The following CEP97 variants were observed in gnomAD, a reference collection of about 807,000 sequenced individuals.
CEP97 encodes centrosomal protein of 97 kDa.
Under a neutral mutation model 73.1 loss-of-function variants are expected in CEP97, and 43 were observed. That is an observed-to-expected ratio of 0.59 (90% CI 0.46 to 0.76). CEP97 has a LOEUF of 0.76. CEP97 is among the 30% of genes least tolerant of loss of function. CEP97 has a pLI of 0.00. For synonymous variants in CEP97, 337 were observed against 370.0 expected (o/e 0.91, Z 1.02); for missense variants, 939 against 1,014.0 (o/e 0.93, Z 1.00).
rs575199558 is a variant in CEP97 at position 101,768,410 on chromosome 3, G to A, written c.*2859G>A. 2.6e-4 allele frequency: 40 copies of A among 152,298 alleles called. 1 individual carries two copies. The East Asian group carries it at 7.1e-3, about 27-fold the overall frequency. The allele number at this position is 152,298 out of a possible 1,614,324, so 9.4% of individuals were successfully genotyped here. ...AAAGAGGAAAAAAACTTCTAAGAGA[G>A]CTACAACTCTATCACTCATGACAGA... is the stretch of plus-strand genomic sequence containing the variant. On this transcript the variant is annotated 3_prime_UTR_variant, in exon 11 of 11. Transcript: ENST00000341893.
intron 4 of CEP97, among the ~76,000 whole-genome samples, chr3:101,730,075 G>T (rs1033916450): frequency 6.6e-6 from 1 of 151,998 alleles, no homozygotes; most frequent in Non-Finnish European, 1.5e-5. Flanking sequence ...CAAAGTGTTG[G>T]GATTACAAGC....
intron 10 of CEP97, among the ~76,000 whole-genome samples, chr3:101,762,764 T>C (rs1939206497): frequency 6.6e-6 from 1 of 152,192 alleles, no homozygotes; most frequent in Non-Finnish European, 1.5e-5. Flanking sequence ...TCTGACAATT[T>C]TGACAAGAAA....
chr3:101,739,439 C>T (rs760286226), intron 6 of CEP97, among the ~76,000 whole-genome samples: 13 of 152,080 alleles, frequency 8.5e-5, no homozygotes, highest in Non-Finnish European at 2.9e-5. Context: ...ACTGGCTAAC[C>T]GAATCCAGCA....
chr3:101,757,814 C>G lies in CEP97; in HGVS notation c.1208C>G (p.Ser403Cys). The change falls in exon 9 of 11, where the codon TCT (serine) becomes TGT (cysteine). Residue 403 changes from serine to cysteine, a missense_variant. Coordinates refer to ENST00000341893, the MANE Select transcript of CEP97 (RefSeq NM_024548.4). ...AACTGTAGTCTTCTCTCTTCAGAGTCTACTTTTATGCCAGTTGCATCAGGA... is the reference window on the plus strand; with the variant it reads ...AACTGTAGTCTTCTCTCTTCAGAGTGTACTTTTATGCCAGTTGCATCAGGA... ...KLNCSLLSSESTFMPVASGLS... is the reference protein window; with the variant it reads ...KLNCSLLSSECTFMPVASGLS... The G allele has an allele frequency of 6.2e-7, 1 of 1,614,258 alleles. No homozygotes were observed. Among genetic ancestry groups the G allele is most frequent in the Non-Finnish European group, 8.5e-7 (1 of 1,180,050 alleles).
intron 10 of CEP97, chr3:101,763,073 T>C (rs1009807590): frequency 9.0e-6 from 11 of 1,218,414 alleles, no homozygotes; most frequent in Middle Eastern, 6.9e-4. Context: ...TTCTTGAAAA[T>C]ATTTTAATAA....
rs560387421 is a variant in CEP97, at chr3:101,763,169, C to T, written c.1893+609C>T. 14 of 1,267,060 alleles carry T rather than the reference C, an allele frequency of 1.1e-5. No homozygotes were observed. The African/African-American group carries it at 1.8e-4, about 17-fold the overall frequency. 78.5% of individuals were successfully genotyped at this position (1,267,060 alleles called of 1,614,324 possible). Reference sequence around the variant, plus strand: ...AAACTTCTGGGCTCAAGCAGTCTTCCCTCCTCAGCCTCCCAAAGTGAGCCA... The same window carrying T: ...AAACTTCTGGGCTCAAGCAGTCTTCTCTCCTCAGCCTCCCAAAGTGAGCCA... On this transcript the variant is annotated intron_variant, in intron 10 of 10. Coordinates refer to ENST00000341893, the MANE Select transcript of CEP97 (RefSeq NM_024548.4).
intron 9 of CEP97, among the ~76,000 whole-genome samples, chr3:101,761,394 G>A (rs551041101): frequency 1.1e-4 from 16 of 152,304 alleles, no homozygotes; most frequent in Middle Eastern, 3.4e-3. Context: ...GTGGATTATT[G>A]TTAGAGCATC....
At chr3:101,736,389 C>T (rs760700829) in intron 6 of CEP97, among the ~76,000 whole-genome samples, 9 of 152,162 alleles carry the variant, frequency 5.9e-5, no homozygotes, top group Admixed American at 2.0e-4. Context: ...CCCTGATCCC[C>T]GTGTCTCCTG....
At position 101,749,987 on chromosome 3, in the gene CEP97, C is replaced by G. The variant is rs555107564; in HGVS notation, c.729-5443C>G. Among the ~76,000 whole-genome samples the G allele has an allele frequency of 3.3e-3, 499 of 151,392 alleles. 4 individuals carry two copies. Among genetic ancestry groups the G allele is most frequent in the African/African-American group, 9.0e-3 (369 of 41,168 alleles). ...GGTAGTTTCTTTTGCTGTGCAGAAG[C>G]TCTTTAGTTTAATGAGATCCCATTT... On this transcript the variant is annotated intron_variant, in intron 6 of 10. Coordinates refer to ENST00000341893, the MANE Select transcript of CEP97 (RefSeq NM_024548.4).
intron 6 of CEP97, among the ~76,000 whole-genome samples, chr3:101,737,765 C>T (rs773614625): frequency 5.9e-5 from 9 of 151,978 alleles, no homozygotes; most frequent in East Asian, 3.9e-4. Flanking sequence ...ATCAACACTA[C>T]GAAGAAACTG....
intron 6 of CEP97, among the ~76,000 whole-genome samples, chr3:101,739,949 A>G (rs2107149140): frequency 6.6e-6 from 1 of 152,178 alleles, no homozygotes; most frequent in Non-Finnish European, 1.5e-5. Flanking sequence ...AACTCTCAAT[A>G]AACTAGGTAT....
chr3:101,765,311 T>C lies in CEP97; in HGVS notation c.2358T>C (p.Asp786=), dbSNP rs1285519116. Residue 786 remains aspartate (D), a synonymous_variant, in exon 11 of 11, where the codon GAT becomes GAC. Coordinates refer to ENST00000341893, the MANE Select transcript of CEP97 (RefSeq NM_024548.4). ...LTSVQQLEDA[D]ERTNFDTETR... ...CAGTTCAACAGCTGGAAGATGCTGA[T>C]GAGAGGACCAATTTTGATACAGAGA... The C allele has an allele frequency of 6.2e-7, 1 of 1,613,884 alleles. No homozygotes were observed. The highest frequency in any genetic ancestry group is 1.1e-5 in the South Asian group (1 of 91,082).
intron 6 of CEP97, among the ~76,000 whole-genome samples, chr3:101,750,781 T>C (rs1195754771): frequency 6.6e-6 from 1 of 152,150 alleles, no homozygotes; most frequent in East Asian, 1.9e-4. Context: ...TTTTTTATTG[T>C]GTCTATTTGA....
At chr3:101,743,463 A>G (rs1259215648) in intron 6 of CEP97, among the ~76,000 whole-genome samples, 2 of 152,012 alleles carry the variant, frequency 1.3e-5, no homozygotes, top group African/African-American at 4.8e-5. Flanking sequence ...TGGCATGATC[A>G]TAGCTCATTG....
intron 6 of CEP97, among the ~76,000 whole-genome samples, chr3:101,735,593 G>A (rs867210802): frequency 6.6e-6 from 1 of 152,172 alleles, no homozygotes; most frequent in Non-Finnish European, 1.5e-5. Flanking sequence ...AAGTGCAAGG[G>A]GTCAGGGAAC....
In CEP97 at chr3:101,758,377, C is replaced by T. The variant is rs146288985; in HGVS notation, c.1771C>T (p.Arg591Cys). 2,281 of 1,614,116 alleles carry T rather than the reference C, an allele frequency of 1.4e-3. 3 individuals carry two copies. The highest frequency in any genetic ancestry group is 1.8e-3 in the Non-Finnish European group (2,077 of 1,180,018). ...AKDVRYEIRL[R>C]RMQEHIVCLT... ...AGATGTGCGTTACGAAATCCGGCTA[C>T]GCAGAATGCAAGAGCACATTGTCTG... Residue 591 changes from arginine to cysteine, a missense_variant, in exon 9 of 11, where the codon CGC becomes TGC. Arg to Cys is a radical substitution (Grantham distance 180, BLOSUM62 -3). Coordinates refer to ENST00000341893, the MANE Select transcript of CEP97 (RefSeq NM_024548.4).
Position 101,758,112 on chromosome 3 carries a change from A to G in CEP97, c.1506A>G (p.Thr502=), listed in dbSNP as rs1296454007. ...TGAAGGATGATAACCACAGTCTTAC[A>G]TTTTTTCCTGAGTCAACTGAGCAGA... ...AILKDDNHSL[T]FFPESTEQKQ... is the part of the protein sequence containing the mutation. Residue 502 remains threonine, a synonymous_variant, in exon 9 of 11, where the codon ACA becomes ACG. Coordinates refer to ENST00000341893, the MANE Select transcript of CEP97 (RefSeq NM_024548.4). 1 of 1,614,118 alleles carries G rather than the reference A, an allele frequency of 6.2e-7. No homozygotes were observed. The highest frequency in any genetic ancestry group is 1.3e-5 in the African/African-American group (1 of 74,928).
At chr3:101,760,684 G>A (rs954858131) in intron 9 of CEP97, among the ~76,000 whole-genome samples, 3 of 151,878 alleles carry the variant, frequency 2.0e-5, no homozygotes, top group African/African-American at 7.3e-5. Context: ...TGGGACTATA[G>A]GCATGCACCA....
chr3:101,752,569 ATT>A (rs1938867238), intron 6 of CEP97, among the ~76,000 whole-genome samples: 1 of 151,998 alleles, frequency 6.6e-6, no homozygotes, highest in Non-Finnish European at 1.5e-5. Flanking sequence ...CATAGTCCCT[ATT>A]TCTTGGAGGC....
Sources: allele counts gnomAD v4.1 joint callset (sites outside exome capture counted in the v4.1 genomes callset), GRCh38; gene constraint gnomAD v4.1.1; transcripts MANE v1.5; gene names NCBI Gene and HGNC (gene_info 2026-07-23, HGNC 2026-07-21).